The following EHHADH variants were observed in gnomAD, a reference collection of about 807,000 sequenced individuals.
EHHADH encodes the protein enoyl-CoA hydratase and 3-hydroxyacyl CoA dehydrogenase, also known as peroxisomal bifunctional enzyme.
EHHADH carries 48 observed loss-of-function variants against 64.4 expected under a neutral mutation model. The observed-to-expected ratio is 0.75, with a 90% CI of 0.59 to 0.95. The LOEUF (loss-of-function observed/expected upper bound fraction) is 0.95, where lower values mean the gene tolerates loss of function less well. Among genes scored for constraint, EHHADH ranks in the 40% least tolerant of loss-of-function variants. The pLI is 0.00. For missense variants in EHHADH, 854 were observed against 876.6 expected, an observed-to-expected ratio of 0.97 and a Z score of 0.33; for synonymous variants, 308 against 326.7, an observed-to-expected ratio of 0.94 and a Z score of 0.62.
At chr3:185,195,623 G>A (rs1440536259) in intron 6 of EHHADH, among the ~76,000 whole-genome samples, 1 of 152,148 alleles carries the variant, frequency 6.6e-6, no homozygotes, top group African/African-American at 2.4e-5. Flanking sequence ...TCACACACTT[G>A]CAACAACATA....
At chr3:185,226,146 G>A (rs1358399532) in intron 4 of EHHADH, among the ~76,000 whole-genome samples, 5 of 152,156 alleles carry the variant, frequency 3.3e-5, no homozygotes, top group African/African-American at 1.2e-4. Flanking sequence ...GAGAAGACCT[G>A]CATAGCCAAT....
intron 4 of EHHADH, among the ~76,000 whole-genome samples, chr3:185,228,257 A>AAAAAAATATATATATATATAT: frequency 4.5e-5 from 1 of 22,008 alleles, no homozygotes; most frequent in African/African-American, 1.2e-4. Context: ...AAAAAAAAAA[A>AAAAAAATATATATATATATAT]ATATATATAT....
chr3:185,240,267 G>A (rs1719413124), intron 2 of EHHADH, among the ~76,000 whole-genome samples: 1 of 150,986 alleles, frequency 6.6e-6, no homozygotes, highest in Admixed American at 6.6e-5. Context: ...TGGTATCAAG[G>A]TGGTACTGCT....
intron 1 of EHHADH, among the ~76,000 whole-genome samples, chr3:185,253,670 G>C (rs1235562304): frequency 6.6e-6 from 1 of 150,982 alleles, no homozygotes; most frequent in East Asian, 2.0e-4. Flanking sequence ...AACTCCCTAA[G>C]TGTTGATCTG....
At chr3:185,245,494 C>T in intron 2 of EHHADH, 1 of 1,059,310 alleles carries the variant, frequency 9.4e-7, no homozygotes, top group Non-Finnish European at 1.4e-6. Flanking sequence ...TGCTCGCTTG[C>T]CCATGACAGT....
intron 6 of EHHADH, among the ~76,000 whole-genome samples, chr3:185,202,052 G>A (rs571561332): frequency 3.9e-5 from 6 of 152,174 alleles, no homozygotes; most frequent in Non-Finnish European, 8.8e-5. Flanking sequence ...AAAATCACAA[G>A]TGAGGCTGGG....
In EHHADH at chr3:185,218,215, T is replaced by A; in HGVS notation, c.489A>T (p.Ala163=). 1 of 1,605,640 alleles carries A rather than the reference T, an allele frequency of 6.2e-7. No homozygotes were observed. Among genetic ancestry groups the A allele is most frequent in the Non-Finnish European group, 8.5e-7 (1 of 1,177,082 alleles). The change falls in exon 5 of 7, where the codon GCA becomes GCT. Residue 163 remains alanine (A), a synonymous_variant. Coordinates refer to ENST00000231887, the MANE Select transcript of EHHADH (RefSeq NM_001966.4). ...CTTTATCTAGAATGCCCAGCTTGAG[T>A]GCTTCATCTGCTAAAATACGTCTTC... The part of the protein sequence containing the change: ...TSGRRILADE[A]LKLGILDKVV...
intron 4 of EHHADH, among the ~76,000 whole-genome samples, chr3:185,228,638 A>G (rs1332087070): frequency 6.6e-6 from 1 of 151,728 alleles, no homozygotes; most frequent in Non-Finnish European, 1.5e-5. Context: ...AGATCATGCC[A>G]CTGCACTCCA....
chr3:185,243,660 C>T (rs934964920), intron 2 of EHHADH, among the ~76,000 whole-genome samples: 8 of 152,106 alleles, frequency 5.3e-5, no homozygotes, highest in African/African-American at 1.7e-4. Context: ...CCTCTTGCTA[C>T]TGATTTCTAC....
At chr3:185,218,433 A>C (rs1577363889) in intron 4 of EHHADH, among the ~76,000 whole-genome samples, 193 bp from the exon 5 acceptor site, 3 of 152,112 alleles carry the variant, frequency 2.0e-5, no homozygotes, top group Admixed American at 2.0e-4. Context: ...ACTTGGATTC[A>C]AGCTCCAGCT....
rs192606655 is a variant in EHHADH, at chr3:185,195,911, C to G, written c.911-2424G>C. Reference sequence around the variant, plus strand: ...CCCATGTAACAAACCTGCACACGTACCCCCTGAATCTAAAATAAAATTAAA... The same window carrying G: ...CCCATGTAACAAACCTGCACACGTAGCCCCTGAATCTAAAATAAAATTAAA... On this transcript the variant is annotated intron_variant, in intron 6 of 6. Coordinates refer to ENST00000231887, the MANE Select transcript of EHHADH (RefSeq NM_001966.4). Among the ~76,000 whole-genome samples the G allele has an allele frequency of 2.1e-3, 321 of 152,230 alleles. 1 individual carries two copies. Among genetic ancestry groups the G allele is most frequent in the Admixed American group, 3.3e-3 (50 of 15,292 alleles).
At chr3:185,207,094 A>G (rs563712714) in intron 5 of EHHADH, among the ~76,000 whole-genome samples, 9 of 152,066 alleles carry the variant, frequency 5.9e-5, no homozygotes, top group African/African-American at 2.2e-4. Flanking sequence ...GTTGAGACCA[A>G]CCTGGGCAAC....
intron 2 of EHHADH, chr3:185,246,139 A>G (rs1719587934): frequency 8.4e-7 from 1 of 1,188,368 alleles, no homozygotes; most frequent in Non-Finnish European, 1.3e-6. Flanking sequence ...ATCACTTTCA[A>G]TCTTAAGATC....
chr3:185,239,142 T>G (rs1719380657), intron 2 of EHHADH, among the ~76,000 whole-genome samples: 1 of 152,176 alleles, frequency 6.6e-6, no homozygotes, highest in Non-Finnish European at 1.5e-5. Flanking sequence ...CACTGGTCTA[T>G]GTGTCTATTT....
chr3:185,204,132 CAAAAAA>C (rs1220063126), intron 6 of EHHADH, among the ~76,000 whole-genome samples: 11 of 30,518 alleles, frequency 3.6e-4, no homozygotes, highest in African/African-American at 4.8e-4. Flanking sequence ...GACTCTGTCT[CAAAAAA>C]AAAAAAAAAA....
At chr3:185,195,849 T>A (rs968409370) in intron 6 of EHHADH, among the ~76,000 whole-genome samples, 7 of 152,128 alleles carry the variant, frequency 4.6e-5, no homozygotes, top group Admixed American at 1.3e-4. Context: ...TGAGTGAACA[T>A]TAGAAGCCCA....
intron 2 of EHHADH, among the ~76,000 whole-genome samples, chr3:185,245,224 A>T (rs190910310): frequency 2.1e-3 from 313 of 152,324 alleles, no homozygotes; most frequent in African/African-American, 7.4e-3. Flanking sequence ...GAACGATTTT[A>T]AAAAAGCACC....
intron 6 of EHHADH, among the ~76,000 whole-genome samples, chr3:185,200,280 G>A (rs933267159): frequency 2.0e-5 from 3 of 152,086 alleles, no homozygotes; most frequent in Admixed American, 6.6e-5. Flanking sequence ...GGATGTATCA[G>A]TCATCAGAAA....
chr3:185,252,183 C>G (rs1298084311), intron 1 of EHHADH, among the ~76,000 whole-genome samples: 1 of 152,076 alleles, frequency 6.6e-6, no homozygotes. Flanking sequence ...AGGTGGATCA[C>G]GAGGTCAGGA....
Sources: allele counts gnomAD v4.1 joint callset (sites outside exome capture counted in the v4.1 genomes callset), GRCh38; gene constraint gnomAD v4.1.1; transcripts MANE v1.5; gene names NCBI Gene and HGNC (gene_info 2026-07-23, HGNC 2026-07-21).